Variants in ARL15 observed in about 807,000 individuals in gnomAD.
The protein encoded by ARL15 is ADP-ribosylation factor-like protein 15.
Under a neutral mutation model 25.2 loss-of-function variants are expected in ARL15, and 19 were observed. The observed-to-expected ratio is 0.75, with a 90% CI of 0.53 to 1.10. The LOEUF is 1.10. ARL15 is among the 50% of genes least tolerant of loss of function. ARL15 has a pLI of 0.00. For synonymous variants in ARL15, 94 were observed against 86.8 expected (o/e 1.08, Z -0.46); for missense variants, 220 against 246.0 (o/e 0.89, Z 0.71).
intron 1 of ARL15, among the ~76,000 whole-genome samples, chr5:54,246,797 TACACACAC>T (rs61025147): frequency 0.063 from 8,779 of 138,934 alleles, 280 homozygotes; most frequent in Middle Eastern, 0.089. Flanking sequence ...AAAGCATGCA[TACACACAC>T]ACACACACAC....
At chr5:54,074,703 T>C (rs1399731377) in intron 4 of ARL15, among the ~76,000 whole-genome samples, 1 of 152,174 alleles carries the variant, frequency 6.6e-6, no homozygotes. Flanking sequence ...TTTACTTTAA[T>C]AGTATTAGAG....
At chr5:54,049,360 T>A (rs542833654) in intron 4 of ARL15, among the ~76,000 whole-genome samples, 1 of 151,110 alleles carries the variant, frequency 6.6e-6, no homozygotes, top group Admixed American at 6.6e-5. Context: ...AGCCTCCCAG[T>A]AAGTCCCTCA....
chr5:53,907,989 C>T (rs2111967619), intron 4 of ARL15, among the ~76,000 whole-genome samples: 1 of 152,258 alleles, frequency 6.6e-6, no homozygotes, highest in Admixed American at 6.5e-5. Context: ...TCAGACTTCT[C>T]ATCCTCAAGC....
At chr5:54,150,643 C>T (rs1189305395) in intron 3 of ARL15, among the ~76,000 whole-genome samples, 1 of 151,788 alleles carries the variant, frequency 6.6e-6, no homozygotes, top group Non-Finnish European at 1.5e-5. Flanking sequence ...ACTAAACATA[C>T]AAAAATTAGC....
intron 1 of ARL15, among the ~76,000 whole-genome samples, chr5:54,304,847 CT>C (rs368137783): frequency 2.2e-4 from 33 of 149,072 alleles, no homozygotes; most frequent in South Asian, 8.5e-4. Context: ...AAACAATGTA[CT>C]TTTTTTTTTA....
intron 4 of ARL15, among the ~76,000 whole-genome samples, chr5:53,919,665 TTCTA>T (rs879831400): frequency 0.49 from 74,749 of 151,876 alleles, 19,407 homozygotes; most frequent in African/African-American, 0.63. Context: ...CATGGTCTAT[TTCTA>T]CTGAATGGCA....
chr5:54,114,758 C>T lies in ARL15; in HGVS notation c.254-1348G>A, dbSNP rs78546962. ...AAGGCATAGGCACTTCCCATTACAT[C>T]ATGGTGACTGTTTTCATCACTTTCA... On this transcript the variant is annotated intron_variant, in intron 3 of 4. Coordinates refer to ENST00000504924, the MANE Select transcript of ARL15 (RefSeq NM_019087.3). 5.7e-3 allele frequency among the ~76,000 whole-genome samples: 868 copies of T among 152,296 alleles called. 4 individuals are homozygous for T. The highest frequency in any genetic ancestry group is 8.8e-3 in the Non-Finnish European group (602 of 68,034).
At chr5:53,886,776 A>C in intron 4 of ARL15, 63 bp from the exon 5 acceptor site, 1 of 1,427,318 alleles carries the variant, frequency 7.0e-7, no homozygotes, top group Non-Finnish European at 9.4e-7. Flanking sequence ...CTCATATCAA[A>C]ATTCTGAGGG....
intron 4 of ARL15, among the ~76,000 whole-genome samples, chr5:53,946,455 GAAAAAAAAAAAAA>G (rs55727717): frequency 0.014 from 620 of 43,998 alleles, 16 homozygotes; most frequent in African/African-American, 0.052. Context: ...GTCTCAAGAG[GAAAAAAAAAAAAA>G]AAAAAAAAAA....
chr5:54,155,614 G>A (rs1326176963), intron 2 of ARL15, among the ~76,000 whole-genome samples: 1 of 151,704 alleles, frequency 6.6e-6, no homozygotes, highest in Non-Finnish European at 1.5e-5. Context: ...ATATATTTAT[G>A]ACTTAACTAT....
intron 1 of ARL15, among the ~76,000 whole-genome samples, chr5:54,196,188 T>C (rs952773433): frequency 6.6e-6 from 1 of 152,144 alleles, no homozygotes; most frequent in African/African-American, 2.4e-5. Flanking sequence ...AAAGAGTATG[T>C]TTTATGACAT....
chr5:54,009,328 A>G (rs1749157406), intron 4 of ARL15, among the ~76,000 whole-genome samples: 1 of 152,198 alleles, frequency 6.6e-6, no homozygotes, highest in Admixed American at 6.5e-5. Flanking sequence ...CCAACAACCT[A>G]AAATTACCAG....
intron 1 of ARL15, among the ~76,000 whole-genome samples, chr5:54,296,058 G>A (rs1758458924): frequency 6.6e-6 from 1 of 152,206 alleles, no homozygotes; most frequent in African/African-American, 2.4e-5. Context: ...CCTGAGGAGA[G>A]ATGTGGGCCA....
chr5:54,223,154 G>A (rs913122443), intron 1 of ARL15, among the ~76,000 whole-genome samples: 2 of 151,750 alleles, frequency 1.3e-5, no homozygotes, highest in African/African-American at 4.8e-5. Context: ...AGTGACCATG[G>A]AAGGGTAAAT....
chr5:53,966,405 G>A (rs916536590), intron 4 of ARL15, among the ~76,000 whole-genome samples: 5 of 152,108 alleles, frequency 3.3e-5, no homozygotes, highest in African/African-American at 1.2e-4. Flanking sequence ...ATAATAAAGC[G>A]GTAAATGTAA....
chr5:54,217,263 T>C (rs1756235395), intron 1 of ARL15, among the ~76,000 whole-genome samples: 2 of 151,710 alleles, frequency 1.3e-5, no homozygotes. Flanking sequence ...CTATATGAAA[T>C]CTTCCCTAAA....
chr5:53,890,240 T>C (rs559601406), intron 4 of ARL15, among the ~76,000 whole-genome samples: 225 of 152,358 alleles, frequency 1.5e-3, no homozygotes, highest in African/African-American at 5.3e-3. Context: ...TCTTTGTATA[T>C]GTTGATGTAC....
intron 3 of ARL15, among the ~76,000 whole-genome samples, chr5:54,120,442 T>C (rs1019042412): frequency 6.6e-6 from 1 of 152,198 alleles, no homozygotes; most frequent in Non-Finnish European, 1.5e-5. Context: ...CTATGTTCCT[T>C]GGGATACTTT....
intron 1 of ARL15, among the ~76,000 whole-genome samples, chr5:54,220,167 A>T (rs1265815526): frequency 3.9e-5 from 6 of 152,222 alleles, no homozygotes; most frequent in Middle Eastern, 3.2e-3. Context: ...TGTCTCACAG[A>T]TTATATAGTA....
Sources: gnomAD v4.1 joint callset for allele counts (sites outside exome capture counted in the v4.1 genomes callset) on GRCh38, gnomAD v4.1.1 for gene constraint, MANE v1.5 for transcripts, NCBI Gene and HGNC (gene_info 2026-07-23, HGNC 2026-07-21) for gene names.